The following WWOX variants were observed in gnomAD, a reference collection of about 807,000 sequenced individuals.
WWOX encodes the protein WW domain containing oxidoreductase.
WWOX carries 69 observed loss-of-function variants against 46.2 expected under a neutral mutation model. The observed-to-expected ratio is 1.49, with a 90% CI of 1.23 to 1.82. The LOEUF is 1.82. Ranked by LOEUF, WWOX falls within the 40% of genes most tolerant of loss-of-function variation. The probability of loss-of-function intolerance (pLI) is 0.00; values close to 1 mark genes in which losing one functional copy is unlikely to be tolerated. For missense variants in WWOX, 919 were observed against 542.6 expected (o/e 1.69, Z -6.89); for synonymous variants, 359 against 202.6 (o/e 1.77, Z -6.56).
rs776036517 is a variant in WWOX, at chr16:79,212,076, G to GTATC, written c.*282_*285dup. The GTATC allele has an allele frequency of 1.3e-6, 2 of 1,536,300 alleles. No homozygotes were observed. Among genetic ancestry groups the GTATC allele is most frequent in the African/African-American group, 1.4e-5 (1 of 73,008 alleles). ...AAAACCTGCTTGGTGTGTAGGTTCC[G>GTATC]TATCTCCCTGGAGAAGCACCAGCAA... is the stretch of plus-strand genomic sequence containing the variant. On this transcript the variant is annotated 3_prime_UTR_variant, in exon 9 of 9. Transcript: ENST00000566780.
intron 8 of WWOX, among the ~76,000 whole-genome samples, chr16:78,718,092 G>GTTTTTT: frequency 7.2e-6 from 1 of 139,616 alleles, no homozygotes; most frequent in African/African-American, 2.9e-5. Context: ...GGTTCTGGTG[G>GTTTTTT]TTGTATTTTT....
intron 5 of WWOX, among the ~76,000 whole-genome samples, chr16:78,198,034 C>A (rs2036111565): frequency 2.0e-5 from 3 of 151,978 alleles, no homozygotes. Context: ...CACTCCTCTT[C>A]CCTAAAACTG....
At chr16:78,581,264 C>A (rs1014798812) in intron 8 of WWOX, among the ~76,000 whole-genome samples, 54 of 152,244 alleles carry the variant, frequency 3.5e-4, no homozygotes, top group African/African-American at 1.3e-3. Context: ...AATTAAGGGT[C>A]TTGAGCATGT....
chr16:78,623,693 C>T (rs146328766), intron 8 of WWOX, among the ~76,000 whole-genome samples: 1 of 148,690 alleles, frequency 6.7e-6, no homozygotes, highest in African/African-American at 2.5e-5. Context: ...TGAGTCATGT[C>T]ACTGCACCTC....
intron 8 of WWOX, among the ~76,000 whole-genome samples, chr16:78,933,697 C>G (rs1400256427): frequency 3.3e-5 from 5 of 152,118 alleles, no homozygotes; most frequent in Admixed American, 1.3e-4. Flanking sequence ...GAGAGGAGAG[C>G]TTGTGTAGGG....
At chr16:79,015,546 C>G (rs910572113) in intron 8 of WWOX, among the ~76,000 whole-genome samples, 1 of 152,120 alleles carries the variant, frequency 6.6e-6, no homozygotes, top group African/African-American at 2.4e-5. Context: ...AGGGAAGCCA[C>G]CTCCAGGAAC....
At chr16:79,188,601 T>C (rs879380341) in intron 8 of WWOX, among the ~76,000 whole-genome samples, 4 of 152,226 alleles carry the variant, frequency 2.6e-5, no homozygotes, top group Non-Finnish European at 5.9e-5. Flanking sequence ...GTTAAATGTT[T>C]ATCTAGCAAT....
intron 8 of WWOX, among the ~76,000 whole-genome samples, chr16:78,870,638 G>C (rs530266041): frequency 1.5e-4 from 23 of 152,122 alleles, no homozygotes; most frequent in African/African-American, 5.5e-4. Flanking sequence ...ATCTCACTCT[G>C]TTGCCCAGGC....
chr16:78,735,819 G>T (rs1211107104), intron 8 of WWOX, among the ~76,000 whole-genome samples: 1 of 131,380 alleles, frequency 7.6e-6, no homozygotes, highest in African/African-American at 3.1e-5. Flanking sequence ...TCAAGGCTTT[G>T]TGAATCAGGG....
chr16:78,999,720 T>G (rs918916803), intron 8 of WWOX, among the ~76,000 whole-genome samples: 2 of 152,034 alleles, frequency 1.3e-5, no homozygotes, highest in African/African-American at 4.8e-5. Flanking sequence ...CTTGTGAAAG[T>G]GGGAGGGGGA....
At chr16:78,912,349 A>C (rs547994883) in intron 8 of WWOX, among the ~76,000 whole-genome samples, 2 of 152,028 alleles carry the variant, frequency 1.3e-5, no homozygotes, top group Admixed American at 1.3e-4. Context: ...CAGCTCTGGG[A>C]GGTGATGACT....
At chr16:78,412,726 C>G (rs902348685) in intron 6 of WWOX, among the ~76,000 whole-genome samples, 16 of 152,144 alleles carry the variant, frequency 1.1e-4, no homozygotes, top group Admixed American at 5.9e-4. Flanking sequence ...TGAGAAGCCA[C>G]TCCTCGCCAG....
rs563924136 is a variant in WWOX, at chr16:79,150,036, G to T, written c.1057-61572G>T. Among the ~76,000 whole-genome samples the T allele has an allele frequency of 5.3e-5, 8 of 152,330 alleles. No homozygotes were observed. The South Asian group carries it at 1.7e-3, about 32-fold the overall frequency. On this transcript the variant is annotated intron_variant, in intron 8 of 8. Coordinates refer to ENST00000566780, the MANE Select transcript of WWOX (RefSeq NM_016373.4). ...AACCTAAGAAGGAAATGCTTTTCTGGTCAAATACGTTCTTCTCTGATTAGG... is the reference window on the plus strand; with the variant it reads ...AACCTAAGAAGGAAATGCTTTTCTGTTCAAATACGTTCTTCTCTGATTAGG...
chr16:79,086,333 A>T (rs1236084724), intron 8 of WWOX, among the ~76,000 whole-genome samples: 2 of 152,196 alleles, frequency 1.3e-5, no homozygotes, highest in East Asian at 3.8e-4. Context: ...AATTTGATTG[A>T]TATGCAAAAG....
At chr16:78,680,996 C>A (rs1204301573) in intron 8 of WWOX, among the ~76,000 whole-genome samples, 1 of 152,202 alleles carries the variant, frequency 6.6e-6, no homozygotes, top group Non-Finnish European at 1.5e-5. Context: ...CGCCTGTAAT[C>A]CCAGCACTTT....
chr16:78,766,577 G>C (rs12716858), intron 8 of WWOX, among the ~76,000 whole-genome samples: 71,340 of 152,098 alleles, frequency 0.47, 17,818 homozygotes, highest in Middle Eastern at 0.67. Flanking sequence ...GACAGAGGGA[G>C]AGCTTGTCTC....
chr16:78,705,016 A>G (rs762200743), intron 8 of WWOX, among the ~76,000 whole-genome samples: 1 of 151,758 alleles, frequency 6.6e-6, no homozygotes, highest in Non-Finnish European at 1.5e-5. Context: ...GAAGTGCAAC[A>G]TTGCTTCTAA....
intron 8 of WWOX, among the ~76,000 whole-genome samples, chr16:78,679,234 T>A (rs1238041358): frequency 6.6e-6 from 1 of 152,100 alleles, no homozygotes; most frequent in African/African-American, 2.4e-5. Flanking sequence ...CTTACCATGA[T>A]GGCGTTGAGG....
intron 8 of WWOX, among the ~76,000 whole-genome samples, chr16:78,469,760 A>C (rs1191250294): frequency 6.6e-6 from 1 of 152,042 alleles, no homozygotes; most frequent in Admixed American, 6.6e-5. Context: ...TACCAGGCAT[A>C]TTTTCCCTGT....
Sources: gnomAD v4.1 joint callset for allele counts (sites outside exome capture counted in the v4.1 genomes callset) on GRCh38, gnomAD v4.1.1 for gene constraint, MANE v1.5 for transcripts, NCBI Gene and HGNC (gene_info 2026-07-23, HGNC 2026-07-21) for gene names.